BRD2: variants seen among roughly 807,000 people sequenced by gnomAD.
BRD2 encodes the protein bromodomain-containing protein 2.
BRD2 carries 15 observed loss-of-function variants against 79.1 expected under a neutral mutation model. That is an observed-to-expected ratio of 0.19 (90% CI 0.13 to 0.29). BRD2 has a LOEUF of 0.29. Among genes scored for constraint, BRD2 ranks in the 10% least tolerant of loss-of-function variants. The pLI, the probability that BRD2 is intolerant of heterozygous loss-of-function variation, is 1.00. For synonymous variants in BRD2, 488 were observed against 358.6 expected (o/e 1.36, Z -4.08); for missense variants, 1,053 against 991.3 (o/e 1.06, Z -0.84).
intron 1 of BRD2, chr6:32,969,435 A>C: frequency 1.4e-6 from 1 of 703,424 alleles, no homozygotes; most frequent in Admixed American, 2.1e-5. Flanking sequence ...CTACCCGTGG[A>C]TGTGAATGCT....
intron 2 of BRD2, 52 bp downstream of exon 2, chr6:32,972,979 C>A: frequency 6.2e-7 from 1 of 1,613,966 alleles, no homozygotes; most frequent in Non-Finnish European, 8.5e-7. Context: ...GGCGGCGGCA[C>A]AGGGGTGTGG....
In BRD2 at chr6:32,976,901, A is replaced by G. The variant is rs552721747; in HGVS notation, c.1165A>G (p.Ile389Val). 3 of 1,612,852 alleles carry G rather than the reference A, an allele frequency of 1.9e-6. No individual in the cohort carries two copies. The highest frequency in any genetic ancestry group is 1.7e-5 in the Admixed American group (1 of 60,014). The change falls in exon 7 of 13, where the codon ATC (isoleucine) becomes GTC (valine). Residue 389 changes from isoleucine (I) to valine (V), a missense_variant. This residue lies in a region of BRD2 where 454 missense variants were observed against 430.5 expected (regional missense o/e 1.05). Transcript: ENST00000374825. ...ACTTGGCCTGCATGACTACCATGAC[A>G]TCATTAAGCACCCCATGGACCTCAG... is the stretch of plus-strand genomic sequence containing the variant. ...SALGLHDYHD[I>V]IKHPMDLSTV...
At chr6:32,969,190 G>C in intron 1 of BRD2, 134 bp downstream of exon 1, 1 of 399,034 alleles carries the variant, frequency 2.5e-6, no homozygotes, top group South Asian at 2.2e-5. Context: ...ACCTTTTACA[G>C]CCAATGGGAG....
At chr6:32,979,612 T>C in intron 10 of BRD2, 10 of 574,430 alleles carry the variant, frequency 1.7e-5, no homozygotes, top group Non-Finnish European at 3.1e-5. Context: ...GTACGTACAT[T>C]GTCTTTTTAA....
rs781091891 is a variant in BRD2, at chr6:32,980,020, T to C, written c.2034T>C (p.Asp678=). 6.2e-7 allele frequency: 1 copy of C among 1,613,120 alleles called. No homozygotes were observed. The highest frequency in any genetic ancestry group is 8.5e-7 in the Non-Finnish European group (1 of 1,180,028). The change falls in exon 11 of 13, where the codon GAT becomes GAC. Residue 678 remains aspartate, a synonymous_variant. Coordinates refer to ENST00000374825, the MANE Select transcript of BRD2 (RefSeq NM_005104.4). ...IIQAREPSLR[D]SNPEEIEIDF... is the part of the protein sequence containing the mutation. The stretch of plus-strand genomic sequence containing the variant: ...AAGCCAGGGAGCCCTCTTTACGTGA[T>C]TCAAACCCAGAAGAGATTGAGATTG...
intron 10 of BRD2, chr6:32,978,749 G>C: frequency 3.4e-6 from 1 of 293,436 alleles, no homozygotes; most frequent in African/African-American, 2.2e-5. Context: ...CCACATGCCG[G>C]CTGTTCACCT....
In BRD2 at chr6:32,978,359, C is replaced by G. The variant is rs906762500; in HGVS notation, c.1812C>G (p.Gly604=). Residue 604 remains glycine (G), a synonymous_variant, in exon 10 of 13, where the codon GGC becomes GGG. Transcript: ENST00000374825. ...GGGSAALGPS[G]FGPSGGSGTK... ...GCAGTGCTGCTTTAGGCCCTTCTGGCTTTGGACCTTCTGGAGGAAGTGGCA... is the reference window on the plus strand; with the variant it reads ...GCAGTGCTGCTTTAGGCCCTTCTGGGTTTGGACCTTCTGGAGGAAGTGGCA... The G allele has an allele frequency of 6.2e-7, 1 of 1,612,684 alleles. No homozygotes were observed. Among genetic ancestry groups the G allele is most frequent in the Admixed American group, 1.7e-5 (1 of 59,956 alleles).
chr6:32,973,031 G>T, intron 2 of BRD2, 104 bp downstream of exon 2: 4 of 1,611,714 alleles, frequency 2.5e-6, no homozygotes, highest in Non-Finnish European at 3.4e-6. Flanking sequence ...GCGCGCTGCT[G>T]TTGCGGCGCA....
chr6:32,968,968 T>G lies in BRD2; in HGVS notation c.-1393T>G. 1.0e-5 allele frequency: 2 copies of G among 197,734 alleles called. No homozygotes were observed. The highest frequency in any genetic ancestry group is 2.1e-5 in the Non-Finnish European group (2 of 96,314). 12.2% of individuals were successfully genotyped at this position (197,734 alleles called of 1,614,324 possible). ...CCCCCTCCCCCAGCACGGCTTCGTTTTCTGGGGGGGGGTTGACACCCCGGA... is the reference window on the plus strand; with the variant it reads ...CCCCCTCCCCCAGCACGGCTTCGTTGTCTGGGGGGGGGTTGACACCCCGGA... On this transcript the variant is annotated 5_prime_UTR_variant, in exon 1 of 13. Coordinates refer to ENST00000374825, the MANE Select transcript of BRD2 (RefSeq NM_005104.4).
chr6:32,977,542 A>C lies in BRD2; in HGVS notation c.1301A>C (p.Asp434Ala). The change falls in exon 8 of 13, where the codon GAT becomes GCT. Residue 434 changes from aspartate to alanine, a missense_variant. This residue lies in a region of BRD2 where 454 missense variants were observed against 430.5 expected (regional missense o/e 1.05). Coordinates refer to ENST00000374825, the MANE Select transcript of BRD2 (RefSeq NM_005104.4). ...TATAAGTACAATCCCCCAGATCACG[A>C]TGTTGTGGCAATGGCACGAAAGCTA... ...NCYKYNPPDH[D>A]VVAMARKLQD... 1 of 1,614,058 alleles carries C rather than the reference A, an allele frequency of 6.2e-7. No homozygotes were observed. Among genetic ancestry groups the C allele is most frequent in the South Asian group, 1.1e-5 (1 of 91,088 alleles).
intron 2 of BRD2, among the ~76,000 whole-genome samples, chr6:32,973,548 C>G (rs1418633646): frequency 2.0e-5 from 3 of 152,114 alleles, no homozygotes; most frequent in African/African-American, 4.8e-5. Context: ...TAGTTCAGCT[C>G]TGCGATGTAA....
intron 1 of BRD2, among the ~76,000 whole-genome samples, chr6:32,969,647 G>A (rs900325586): frequency 2.6e-5 from 4 of 152,214 alleles, no homozygotes; most frequent in Non-Finnish European, 5.9e-5. Flanking sequence ...CGGCCTGTGG[G>A]GCCTTTTGCC....
Position 32,977,369 on chromosome 6 carries a change from G to T in BRD2, c.1201-73G>T, listed in dbSNP as rs1242178079. On this transcript the variant is annotated intron_variant, in intron 7 of 12. Coordinates refer to ENST00000374825, the MANE Select transcript of BRD2 (RefSeq NM_005104.4). ...GTGCTCTCAAGAGAGGGCTCTTCTT[G>T]TGGTGTCTGGGGTTGGCAGGGAAAG... 2.5e-6 allele frequency: 4 copies of T among 1,611,564 alleles called. No homozygotes were observed. In the East Asian group the frequency reaches 6.7e-5, roughly 27 times the overall value.
At chr6:32,969,407 G>T (rs1276851205) in intron 1 of BRD2, 1 of 715,044 alleles carries the variant, frequency 1.4e-6, no homozygotes, top group South Asian at 1.5e-5. Context: ...GTGGGCTGAG[G>T]AGTGGTGGCT....
chr6:32,970,036 AT>A (rs573258362), intron 1 of BRD2, among the ~76,000 whole-genome samples: 56 of 152,196 alleles, frequency 3.7e-4, no homozygotes, highest in African/African-American at 1.3e-3. Flanking sequence ...GGAGGCAGTG[AT>A]TTTCCGGAAT....
At chr6:32,977,408 C>T (rs1231806899) in intron 7 of BRD2, 34 bp from the exon 8 acceptor site, 3 of 1,613,266 alleles carry the variant, frequency 1.9e-6, no homozygotes, top group East Asian at 2.2e-5. Flanking sequence ...AGTCTTCCTG[C>T]CTGTGCAGCT....
At position 32,971,791 on chromosome 6, in the gene BRD2, A is replaced by C. The variant is rs1016501650; in HGVS notation, c.-1108A>C. 18 of 630,274 alleles carry C rather than the reference A, an allele frequency of 2.9e-5. No homozygotes were observed. Among genetic ancestry groups the C allele is most frequent in the Admixed American group, 1.1e-4 (4 of 38,018 alleles). 39.0% of individuals were successfully genotyped at this position (630,274 alleles called of 1,614,324 possible). On this transcript the variant is annotated 5_prime_UTR_variant, in exon 2 of 13. Transcript: ENST00000374825. ...GTTGGGCTGTGCATGGAAGCTTGGGAAGACTTTGTTGGAAGGGGAGGCGGG... is the reference window on the plus strand; with the variant it reads ...GTTGGGCTGTGCATGGAAGCTTGGGCAGACTTTGTTGGAAGGGGAGGCGGG...
intron 7 of BRD2, 24 bp downstream of exon 7, chr6:32,976,960 G>C: frequency 6.3e-7 from 1 of 1,585,862 alleles, no homozygotes; most frequent in East Asian, 2.2e-5. Flanking sequence ...GGGGCAGATG[G>C]GATGCTCAGG....
chr6:32,974,402 G>A, intron 2 of BRD2, 60 bp from the exon 3 acceptor site: 2 of 1,526,376 alleles, frequency 1.3e-6, no homozygotes, highest in South Asian at 2.4e-5. Flanking sequence ...AGACTATTGT[G>A]CAGATGCACT....
Sources: allele counts gnomAD v4.1 joint callset (sites outside exome capture counted in the v4.1 genomes callset), GRCh38; gene constraint gnomAD v4.1.1; regional missense constraint gnomAD v4.1.1; transcripts MANE v1.5; gene names NCBI Gene and HGNC (gene_info 2026-07-23, HGNC 2026-07-21).